SLC2A12: variants seen among roughly 807,000 people sequenced by gnomAD.
SLC2A12 encodes solute carrier family 2, facilitated glucose transporter member 12.
In SLC2A12, 23 loss-of-function variants were observed where a neutral mutation model predicts 41.8. The ratio of observed to expected loss-of-function variants is 0.55; its 90% CI spans 0.40 to 0.78. The LOEUF (loss-of-function observed/expected upper bound fraction) is 0.78, where lower values mean the gene tolerates loss of function less well. SLC2A12 is among the 30% of genes least tolerant of loss of function. The pLI, the probability that SLC2A12 is intolerant of heterozygous loss-of-function variation, is 0.00. For missense variants in SLC2A12, 654 were observed against 745.6 expected (o/e 0.88, Z 1.43); for synonymous variants, 295 against 285.9 (o/e 1.03, Z -0.32).
chr6:134,024,743 T>C (rs1777091859), intron 2 of SLC2A12, among the ~76,000 whole-genome samples: 1 of 152,256 alleles, frequency 6.6e-6, no homozygotes, highest in African/African-American at 2.4e-5. Context: ...GTCATCATGA[T>C]AGACTAGAAA....
chr6:134,009,793 T>A (rs925801817), intron 2 of SLC2A12, among the ~76,000 whole-genome samples: 17 of 152,162 alleles, frequency 1.1e-4, no homozygotes, highest in Non-Finnish European at 2.9e-5. Flanking sequence ...TGCCCTAAGC[T>A]ATGATCATAC....
chr6:134,041,397 T>C (rs1214674512), intron 1 of SLC2A12, among the ~76,000 whole-genome samples: 1 of 152,094 alleles, frequency 6.6e-6, no homozygotes, highest in Non-Finnish European at 1.5e-5. Context: ...GCAGGAGGAT[T>C]GCTTGTGGCC....
intron 1 of SLC2A12, among the ~76,000 whole-genome samples, chr6:134,049,830 G>C (rs779820872): frequency 6.6e-6 from 1 of 152,206 alleles, no homozygotes; most frequent in African/African-American, 2.4e-5. Context: ...TTCAACTGCA[G>C]ACCTTAGGGG....
At chr6:134,012,726 G>C (rs1019257138) in intron 2 of SLC2A12, among the ~76,000 whole-genome samples, 3 of 152,154 alleles carry the variant, frequency 2.0e-5, no homozygotes, top group African/African-American at 7.2e-5. Flanking sequence ...CCATTGCTTT[G>C]GGAGGCTGAG....
At chr6:134,012,243 A>G (rs895434414) in intron 2 of SLC2A12, among the ~76,000 whole-genome samples, 1 of 152,224 alleles carries the variant, frequency 6.6e-6, no homozygotes, top group Non-Finnish European at 1.5e-5. Context: ...TAAAAAAGGC[A>G]ATTAAATAAA....
Position 133,989,976 on chromosome 6 carries a change from TTTGA to T in SLC2A12, c.*1175_*1178del, listed in dbSNP as rs575588676. ...ATTTAATATGTTATTTGGTTCAAGATTTGATTGTGGATTTTCTATCATACCCAAA... is the reference window on the plus strand; with the variant it reads ...ATTTAATATGTTATTTGGTTCAAGATTTGTGGATTTTCTATCATACCCAAA... On this transcript the variant is annotated 3_prime_UTR_variant, in exon 5 of 5. Coordinates refer to ENST00000275230, the MANE Select transcript of SLC2A12 (RefSeq NM_145176.3). The T allele has an allele frequency of 8.9e-4, 135 of 152,422 alleles. No individual in the cohort carries two copies. Among genetic ancestry groups the T allele is most frequent in the African/African-American group, 3.0e-3 (125 of 41,594 alleles). 9.4% of individuals were successfully genotyped at this position (152,422 alleles called of 1,614,324 possible).
intron 4 of SLC2A12, among the ~76,000 whole-genome samples, chr6:134,001,312 C>T (rs1403727899): frequency 1.3e-5 from 2 of 152,106 alleles, no homozygotes; most frequent in Non-Finnish European, 2.9e-5. Flanking sequence ...TGGAAATAAA[C>T]TGTTTTTTAA....
intron 1 of SLC2A12, among the ~76,000 whole-genome samples, chr6:134,040,072 GT>G (rs1777362116): frequency 8.9e-6 from 1 of 111,768 alleles, no homozygotes; most frequent in Non-Finnish European, 2.0e-5. Flanking sequence ...TTTTTTTTTT[GT>G]TTTTTGTTTT....
chr6:134,024,629 T>A (rs1023987086), intron 2 of SLC2A12, among the ~76,000 whole-genome samples: 1 of 152,240 alleles, frequency 6.6e-6, no homozygotes, highest in African/African-American at 2.4e-5. Context: ...CACTCGTGCA[T>A]TTTTACTTAT....
chr6:134,032,440 A>ATTTT (rs1213235814), intron 1 of SLC2A12, among the ~76,000 whole-genome samples: 444 of 38,492 alleles, frequency 0.012, 28 homozygotes, highest in African/African-American at 0.044. Context: ...ATATATATAT[A>ATTTT]TATATATAAA....
intron 2 of SLC2A12, among the ~76,000 whole-genome samples, chr6:134,010,626 G>A (rs983307913): frequency 2.0e-5 from 3 of 152,134 alleles, no homozygotes; most frequent in South Asian, 4.1e-4. Flanking sequence ...GTGGGGGGGC[G>A]GAGGTGTGGT....
chr6:133,991,091 A>T lies in SLC2A12; in HGVS notation c.*64T>A. On this transcript the variant is annotated 3_prime_UTR_variant, in exon 5 of 5. Coordinates refer to ENST00000275230, the MANE Select transcript of SLC2A12 (RefSeq NM_145176.3). ...GAGAGCACAGGAGTCGCAACTATGC[A>T]TTGGTCCAAAGACACCCTCCTAAGT... is the stretch of plus-strand genomic sequence containing the variant. 6.5e-7 allele frequency: 1 copy of T among 1,535,680 alleles called. No individual in the cohort carries two copies.
rs755972289 is a variant in SLC2A12 at position 133,991,288 on chromosome 6, ATGT to A, written c.1718_1720del (p.Asn573del). 1.3e-5 allele frequency: 21 copies of A among 1,613,402 alleles called. No homozygotes were observed. Among genetic ancestry groups the A allele is most frequent in the East Asian group, 4.5e-5 (2 of 44,872 alleles). ...TTCTTGGTGATGACTCATAAAACAA[ATGT>A]TGTTTTTCACATAGTTCCTGAAAGA... On this transcript the variant is annotated inframe_deletion, in exon 5 of 5. Transcript: ENST00000275230.
At chr6:134,009,667 TAAATAAAATAAAATA>T (rs77349912) in intron 2 of SLC2A12, among the ~76,000 whole-genome samples, 3 of 148,706 alleles carry the variant, frequency 2.0e-5, no homozygotes, top group Non-Finnish European at 3.0e-5. Context: ...CTTAAAATAA[TAAATAAAATAAAATA>T]AAATAAAATA....
At chr6:133,992,919 T>C (rs4896019) in intron 4 of SLC2A12, among the ~76,000 whole-genome samples, 80,682 of 151,932 alleles carry the variant, frequency 0.53, 22,381 homozygotes, top group Non-Finnish European at 0.62. Context: ...AAAATTGATG[T>C]AAGGAGTGGA....
At chr6:133,996,042 C>T (rs1047472555) in intron 4 of SLC2A12, among the ~76,000 whole-genome samples, 3 of 152,192 alleles carry the variant, frequency 2.0e-5, no homozygotes, top group Non-Finnish European at 4.4e-5. Context: ...GTCCTTTAGT[C>T]ACTTACTATC....
intron 1 of SLC2A12, among the ~76,000 whole-genome samples, chr6:134,051,612 C>A (rs1356813116): frequency 6.6e-6 from 1 of 152,142 alleles, no homozygotes; most frequent in Non-Finnish European, 1.5e-5. Flanking sequence ...CAGCAAAAAG[C>A]GTACAATGTA....
intron 1 of SLC2A12, among the ~76,000 whole-genome samples, chr6:134,033,416 G>A (rs1050608956): frequency 6.6e-5 from 10 of 152,062 alleles, no homozygotes; most frequent in African/African-American, 2.4e-4. Context: ...AGGAGAATTA[G>A]GTCAAATCTT....
At position 134,032,448 on chromosome 6, in the gene SLC2A12, A is replaced by ATTT. The variant is rs1562201680; in HGVS notation, c.104-2728_104-2727insAAA. Reference sequence around the variant, plus strand: ...TATTTATATATATATATATATATATAAATATATATATATATATTTTTATAT... The same window carrying ATTT: ...TATTTATATATATATATATATATATATTTAATATATATATATATATTTTTATAT... On this transcript the variant is annotated intron_variant, in intron 1 of 4. Coordinates refer to ENST00000275230, the MANE Select transcript of SLC2A12 (RefSeq NM_145176.3). Among the ~76,000 whole-genome samples the ATTT allele has an allele frequency of 2.8e-4, 10 of 35,136 alleles. 1 individual carries two copies. Among genetic ancestry groups the ATTT allele is most frequent in the African/African-American group, 1.3e-3 (10 of 7,468 alleles). 23.1% of individuals were successfully genotyped at this position (35,136 alleles called of 152,430 possible).
Sources: allele counts gnomAD v4.1 joint callset (sites outside exome capture counted in the v4.1 genomes callset), GRCh38; gene constraint gnomAD v4.1.1; transcripts MANE v1.5; gene names NCBI Gene and HGNC (gene_info 2026-07-23, HGNC 2026-07-21).